Variants in CLXN observed in about 807,000 individuals in gnomAD.
CLXN encodes the protein calaxin, also known as EF-hand calcium binding domain 1.
chr8:48,729,013 T>A, the CLXN span: 2 of 1,544,480 alleles, frequency 1.3e-6, no homozygotes, highest in Non-Finnish European at 1.8e-6. Flanking sequence ...TCTACTTTGA[T>A]TACCGTTCAG....
chr8:48,717,429 A>G, the CLXN span, among the ~76,000 whole-genome samples: 7 of 152,330 alleles, frequency 4.6e-5, no homozygotes, highest in African/African-American at 1.7e-4. Flanking sequence ...CAAGAATACT[A>G]TACCTGCAAA....
chr8:48,734,957 G>A, the CLXN span: 1 of 968,946 alleles, frequency 1.0e-6, no homozygotes, highest in Non-Finnish European at 1.5e-6. Context: ...TGCTTAAGGG[G>A]CCGGGGTGGA....
chr8:48,717,907 A>T, the CLXN span, among the ~76,000 whole-genome samples: 29 of 152,338 alleles, frequency 1.9e-4, no homozygotes, highest in Non-Finnish European at 3.8e-4. Flanking sequence ...CAATCATTAC[A>T]AAACATCATC....
chr8:48,720,672 A>T, the CLXN span, among the ~76,000 whole-genome samples: 2 of 152,250 alleles, frequency 1.3e-5, no homozygotes, highest in Admixed American at 1.3e-4. Flanking sequence ...ATTCCCTCAG[A>T]AGCAGGTGAT....
At chr8:48,724,485 G>A in the CLXN span, 2 of 304,846 alleles carry the variant, frequency 6.6e-6, no homozygotes, top group Non-Finnish European at 1.2e-5. Context: ...TATGTGCTTC[G>A]ACAGATAGTC....
At chr8:48,717,235 T>A in the CLXN span, among the ~76,000 whole-genome samples, 1 of 152,150 alleles carries the variant, frequency 6.6e-6, no homozygotes, top group Admixed American at 6.5e-5. Flanking sequence ...AGGTACATTA[T>A]AATCAAATTG....
the CLXN span, chr8:48,724,499 G>C: frequency 1.4e-5 from 5 of 350,456 alleles, no homozygotes; most frequent in Non-Finnish European, 2.6e-5. Flanking sequence ...GATAGTCTAT[G>C]TGATAAAACA....
the CLXN span, among the ~76,000 whole-genome samples, chr8:48,728,762 G>A: frequency 2.6e-5 from 4 of 152,100 alleles, no homozygotes; most frequent in Non-Finnish European, 5.9e-5. Context: ...GAAAATATGA[G>A]CCCTTGAGTA....
chr8:48,716,096 G>A, the CLXN span: 4 of 152,242 alleles, frequency 2.6e-5, no homozygotes, highest in Admixed American at 6.5e-5. Context: ...TGGGCATGGC[G>A]GGATGCAAGT....
the CLXN span, chr8:48,711,598 T>G: frequency 6.6e-6 from 1 of 152,070 alleles, no homozygotes; most frequent in Non-Finnish European, 1.5e-5. Flanking sequence ...GAAGAGTGGA[T>G]AGGAGAGGAA....
the CLXN span, among the ~76,000 whole-genome samples, chr8:48,731,899 G>T: frequency 1.3e-5 from 2 of 152,036 alleles, no homozygotes; most frequent in African/African-American, 4.8e-5. Flanking sequence ...CCTGGAAATA[G>T]ATGTCAGATT....
At chr8:48,734,840 A>G in the CLXN span, among the ~76,000 whole-genome samples, 1 of 152,234 alleles carries the variant, frequency 6.6e-6, no homozygotes, top group Non-Finnish European at 1.5e-5. Flanking sequence ...GGGTTGGAGA[A>G]GCAAGTAAAT....
chr8:48,725,784 A>G, the CLXN span, among the ~76,000 whole-genome samples: 1 of 152,040 alleles, frequency 6.6e-6, no homozygotes, highest in African/African-American at 2.4e-5. Context: ...AGCCTGGGCA[A>G]CAAGAGCAAA....
chr8:48,726,878 T>A, the CLXN span, among the ~76,000 whole-genome samples: 1 of 116,600 alleles, frequency 8.6e-6, no homozygotes, highest in African/African-American at 7.5e-5. Flanking sequence ...TCAATCTATC[T>A]ATCTATCTAT....
At chr8:48,731,266 C>T in the CLXN span, 1 of 1,400,462 alleles carries the variant, frequency 7.1e-7, no homozygotes, top group Admixed American at 2.6e-5. Context: ...AAGCTTCCTA[C>T]CAAGAGGATG....
At chr8:48,729,941 T>C in the CLXN span, 1 of 1,462,966 alleles carries the variant, frequency 6.8e-7, no homozygotes, top group Non-Finnish European at 9.2e-7. Context: ...GATAAACTTT[T>C]CAGGGCCAAG....
chr8:48,721,243 TAAGC>T, the CLXN span, among the ~76,000 whole-genome samples: 4 of 152,084 alleles, frequency 2.6e-5, no homozygotes, highest in Non-Finnish European at 4.4e-5. Context: ...GTAATAAACT[TAAGC>T]AAAGAGGTGA....
the CLXN span, among the ~76,000 whole-genome samples, chr8:48,725,509 A>G: frequency 6.6e-6 from 1 of 152,128 alleles, no homozygotes; most frequent in African/African-American, 2.4e-5. Context: ...GAATCTTTTA[A>G]AATTCTAATG....
the CLXN span, chr8:48,723,387 A>G: frequency 6.6e-6 from 1 of 152,244 alleles, no homozygotes; most frequent in East Asian, 1.9e-4. Context: ...AATATAAAAA[A>G]AACTTGGACA....
Sources: gnomAD v4.1 joint callset for allele counts (sites outside exome capture counted in the v4.1 genomes callset) on GRCh38, gnomAD v4.1.1 for gene constraint, MANE v1.5 for transcripts, NCBI Gene and HGNC (gene_info 2026-07-23, HGNC 2026-07-21) for gene names.